The following SGCD variants were observed in gnomAD, a reference collection of about 807,000 sequenced individuals.
SGCD encodes the protein delta-sarcoglycan.
A neutral mutation model predicts 36.6 loss-of-function variants in SGCD; 18 were observed. The ratio of observed to expected loss-of-function variants is 0.49; its 90% CI spans 0.34 to 0.73. SGCD has a LOEUF of 0.73. Among genes scored for constraint, SGCD ranks in the 30% least tolerant of loss-of-function variants. The pLI is 0.01. For synonymous variants in SGCD, 133 were observed against 130.6 expected, an observed-to-expected ratio of 1.02 and a Z score of -0.12; for missense variants, 387 against 346.7, an observed-to-expected ratio of 1.12 and a Z score of -0.92.
intron 3 of SGCD, among the ~76,000 whole-genome samples, chr5:156,454,545 A>G (rs1754169031): frequency 6.6e-6 from 1 of 152,118 alleles, no homozygotes; most frequent in Admixed American, 6.6e-5. Flanking sequence ...CAGATAGGAG[A>G]TGCTCTTCAG....
At chr5:156,053,406 C>G (rs142600538) in intron 1 of SGCD, among the ~76,000 whole-genome samples, 1 of 146,374 alleles carries the variant, frequency 6.8e-6, no homozygotes, top group African/African-American at 2.5e-5. Flanking sequence ...GGCTGAGAAT[C>G]CATCTAAAAG....
At chr5:155,869,294 G>C (rs960951990), upstream of SGCD, among the ~76,000 whole-genome samples, 3 of 152,106 alleles carry the variant, frequency 2.0e-5, no homozygotes, top group South Asian at 6.2e-4. Context: ...CTGATATTTA[G>C]CAAAGGTTCA....
intron 3 of SGCD, among the ~76,000 whole-genome samples, chr5:156,296,762 T>C (rs542331076): frequency 1.5e-3 from 231 of 152,306 alleles, no homozygotes; most frequent in African/African-American, 5.3e-3. Flanking sequence ...ATGTGTATTC[T>C]GTTAAATCTA....
intron 3 of SGCD, among the ~76,000 whole-genome samples, chr5:156,471,636 A>G (rs1307087358): frequency 1.3e-5 from 2 of 152,148 alleles, no homozygotes; most frequent in Non-Finnish European, 2.9e-5. Context: ...TACACTATAC[A>G]AAAAATTAAT....
At chr5:156,084,456 C>G (rs1274009163) in intron 1 of SGCD, among the ~76,000 whole-genome samples, 4 of 152,050 alleles carry the variant, frequency 2.6e-5, no homozygotes, top group African/African-American at 7.2e-5. Flanking sequence ...ATCTCTCATC[C>G]AAGTACCAAC....
intron 6 of SGCD, among the ~76,000 whole-genome samples, chr5:156,629,279 G>C (rs1178997800): frequency 6.6e-6 from 1 of 152,206 alleles, no homozygotes; most frequent in Admixed American, 6.5e-5. Flanking sequence ...AACACGCACA[G>C]ACTTGAGCAG....
intron 3 of SGCD, among the ~76,000 whole-genome samples, chr5:156,164,318 A>G (rs751271978): frequency 2.4e-4 from 36 of 152,028 alleles, no homozygotes; most frequent in Non-Finnish European, 4.6e-4. Flanking sequence ...TGAAAATTCT[A>G]TCAATTGATG....
intron 3 of SGCD, among the ~76,000 whole-genome samples, chr5:156,266,070 TGTTA>T (rs1765993392): frequency 6.6e-6 from 1 of 152,216 alleles, no homozygotes; most frequent in Non-Finnish European, 1.5e-5. Context: ...GACAACTGAA[TGTTA>T]GTGTTTGATA....
chr5:155,972,795 T>G (rs1174330368), intron 1 of SGCD, among the ~76,000 whole-genome samples: 1 of 152,192 alleles, frequency 6.6e-6, no homozygotes, highest in Non-Finnish European at 1.5e-5. Flanking sequence ...ATATTTATTT[T>G]AATTTGCATT....
At chr5:155,939,626 CAGAG>C (rs141461413) in intron 1 of SGCD, among the ~76,000 whole-genome samples, 20,917 of 127,748 alleles carry the variant, frequency 0.16, 2,244 homozygotes, top group Admixed American at 0.41. Context: ...GCCTGGGTGA[CAGAG>C]AGAGACTCTC....
At chr5:155,818,066 G>C in the SGCD span, among the ~76,000 whole-genome samples, 1 of 152,128 alleles carries the variant, frequency 6.6e-6, no homozygotes, top group South Asian at 2.1e-4. Context: ...CATATTGATT[G>C]CCGAGAAGAA....
chr5:156,078,618 C>T (rs915381392), intron 1 of SGCD, among the ~76,000 whole-genome samples: 2 of 140,972 alleles, frequency 1.4e-5, no homozygotes, highest in Non-Finnish European at 3.1e-5. Context: ...TATATACACA[C>T]AGTATATATA....
At chr5:156,035,819 G>T (rs1447146396) in intron 1 of SGCD, among the ~76,000 whole-genome samples, 1 of 152,060 alleles carries the variant, frequency 6.6e-6, no homozygotes, top group African/African-American at 2.4e-5. Flanking sequence ...ATCAGAGAAG[G>T]AACACAAAGT....
the SGCD span, among the ~76,000 whole-genome samples, chr5:155,821,825 A>G: frequency 1.3e-5 from 2 of 152,238 alleles, no homozygotes; most frequent in African/African-American, 4.8e-5. Context: ...TTATACTAAT[A>G]TTTATAAAAT....
intron 4 of SGCD, among the ~76,000 whole-genome samples, chr5:156,574,042 C>T (rs1464420203): frequency 6.6e-6 from 1 of 152,154 alleles, no homozygotes; most frequent in African/African-American, 2.4e-5. Context: ...TGAGTCCTCA[C>T]CCTTTACTCG....
At chr5:155,894,023 G>A (rs1756193745) in intron 1 of SGCD, among the ~76,000 whole-genome samples, 1 of 152,136 alleles carries the variant, frequency 6.6e-6, no homozygotes. Context: ...ACCTGTATAA[G>A]GCACTTATCA....
upstream of SGCD, among the ~76,000 whole-genome samples, chr5:156,323,336 A>G (rs1217674706): frequency 6.6e-6 from 1 of 152,194 alleles, no homozygotes; most frequent in Non-Finnish European, 1.5e-5. Context: ...GGAAACTGAA[A>G]TATTCCCAGG....
chr5:155,767,508 A>G, the SGCD span, among the ~76,000 whole-genome samples: 1 of 152,192 alleles, frequency 6.6e-6, no homozygotes, highest in African/African-American at 2.4e-5. Context: ...AGTTCTTGGT[A>G]GGTTTACCCT....
intron 4 of SGCD, among the ~76,000 whole-genome samples, chr5:156,574,759 G>A (rs1759860119): frequency 6.6e-6 from 1 of 152,136 alleles, no homozygotes; most frequent in Non-Finnish European, 1.5e-5. Flanking sequence ...TCTCTATGTA[G>A]TTGTTTTTCT....
Sources: gnomAD v4.1 joint callset for allele counts (sites outside exome capture counted in the v4.1 genomes callset) on GRCh38, gnomAD v4.1.1 for gene constraint, MANE v1.5 for transcripts, NCBI Gene and HGNC (gene_info 2026-07-23, HGNC 2026-07-21) for gene names.